Variants in RPA1 observed in about 807,000 individuals in gnomAD.
The protein encoded by RPA1 is replication protein A 70 kDa DNA-binding subunit.
In RPA1, 49 loss-of-function variants were observed where a neutral mutation model predicts 83.0. The ratio of observed to expected loss-of-function variants is 0.59; its 90% CI spans 0.47 to 0.75. The LOEUF is 0.75. Ranked by LOEUF, RPA1 falls within the 30% of genes least tolerant of loss-of-function variation. RPA1 has a pLI of 0.00. For synonymous variants in RPA1, 279 were observed against 281.8 expected, an observed-to-expected ratio of 0.99 and a Z score of 0.10; for missense variants, 693 against 776.1, an observed-to-expected ratio of 0.89 and a Z score of 1.27.
At chr17:1,882,513 GGCCTGTAGTCCCAGCTACTCGGTGCGT>G (rs774018843) in intron 12 of RPA1, among the ~76,000 whole-genome samples, 48 of 151,840 alleles carry the variant, frequency 3.2e-4, no homozygotes, top group Middle Eastern at 3.2e-3. Context: ...AAATCAGCCG[GGCCTGTAGTCCCAGCTACTCGGTGCGT>G]GCCTGTAGTC....
intron 15 of RPA1, among the ~76,000 whole-genome samples, chr17:1,894,769 C>G (rs939905899): frequency 1.1e-4 from 16 of 152,126 alleles, no homozygotes; most frequent in African/African-American, 3.6e-4. Context: ...TTTCCAAAAC[C>G]CTCTTCTCCC....
chr17:1,874,257 C>T (rs1389786303), intron 6 of RPA1, among the ~76,000 whole-genome samples: 1 of 152,040 alleles, frequency 6.6e-6, no homozygotes. Context: ...GTAATCCCAG[C>T]ACTTTGGGAG....
In RPA1 at chr17:1,863,743, C is replaced by G. The variant is rs558239591; in HGVS notation, c.362-8691C>G. ...AAAAATTTAAAGTTTTCAAAACATA[C>G]TTGTAGAAGGCAATTTTCAAATGGT... On this transcript the variant is annotated intron_variant, in intron 5 of 16. Coordinates refer to ENST00000254719, the MANE Select transcript of RPA1 (RefSeq NM_002945.5). 3.3e-5 allele frequency among the ~76,000 whole-genome samples: 5 copies of G among 152,268 alleles called. No homozygotes were observed. In the South Asian group the frequency reaches 1.0e-3, roughly 32 times the overall value.
chr17:1,831,006 T>C (rs998383972), intron 1 of RPA1, among the ~76,000 whole-genome samples: 1 of 152,092 alleles, frequency 6.6e-6, no homozygotes, highest in Non-Finnish European at 1.5e-5. Context: ...CCTCAAGTTA[T>C]CCGCCCGCCT....
intron 13 of RPA1, among the ~76,000 whole-genome samples, chr17:1,888,402 T>C (rs1914072607): frequency 1.3e-5 from 2 of 152,344 alleles, no homozygotes; most frequent in East Asian, 3.9e-4. Flanking sequence ...TTAATTAACT[T>C]AGTGTAATTT....
chr17:1,889,084 C>T (rs569656313), intron 14 of RPA1, among the ~76,000 whole-genome samples: 1 of 110,090 alleles, frequency 9.1e-6, no homozygotes, highest in Non-Finnish European at 1.8e-5. Flanking sequence ...GTGACACTTG[C>T]CTGCTAACTG....
At chr17:1,881,407 A>T (rs1913792516) in intron 12 of RPA1, among the ~76,000 whole-genome samples, 1 of 152,128 alleles carries the variant, frequency 6.6e-6, no homozygotes, top group Non-Finnish European at 1.5e-5. Context: ...GAATGAGCTC[A>T]TTTTACATAC....
intron 6 of RPA1, among the ~76,000 whole-genome samples, chr17:1,874,026 TATATATAC>T (rs1323914454): frequency 3.6e-5 from 4 of 110,174 alleles, no homozygotes; most frequent in South Asian, 5.8e-4. Context: ...TATATATATA[TATATATAC>T]ACACACACAC....
chr17:1,841,811 A>G (rs1912056577), intron 1 of RPA1, among the ~76,000 whole-genome samples: 1 of 152,088 alleles, frequency 6.6e-6, no homozygotes, highest in Non-Finnish European at 1.5e-5. Context: ...TTCTATGCCT[A>G]GTTTGCTGAG....
At chr17:1,870,820 G>A (rs1280563236) in intron 5 of RPA1, among the ~76,000 whole-genome samples, 4 of 152,218 alleles carry the variant, frequency 2.6e-5, no homozygotes, top group Non-Finnish European at 5.9e-5. Flanking sequence ...TTCTAGTTTA[G>A]TGGTTTTGGA....
At chr17:1,869,023 T>A (rs905771991) in intron 5 of RPA1, among the ~76,000 whole-genome samples, 1 of 152,250 alleles carries the variant, frequency 6.6e-6, no homozygotes, top group Non-Finnish European at 1.5e-5. Context: ...TCATCCATTT[T>A]CTGCCAAGAG....
At chr17:1,841,460 C>T (rs1457830224) in intron 1 of RPA1, among the ~76,000 whole-genome samples, 3 of 152,082 alleles carry the variant, frequency 2.0e-5, no homozygotes, top group African/African-American at 4.8e-5. Context: ...TGCGCCACCA[C>T]GCCCAGCTAA....
chr17:1,839,750 C>G (rs1911969935), intron 1 of RPA1, among the ~76,000 whole-genome samples: 1 of 150,700 alleles, frequency 6.6e-6, no homozygotes, highest in Non-Finnish European at 1.5e-5. Context: ...ATCCTCCCTC[C>G]TCACCCTCTG....
chr17:1,897,274 A>G lies in RPA1; in HGVS notation c.*99A>G. ...CGATCCCATGTTAGCTACACAGTGC[A>G]GAGGCTCTTGATGGTGGACTAAGCA... On this transcript the variant is annotated 3_prime_UTR_variant, in exon 17 of 17. Coordinates refer to ENST00000254719, the MANE Select transcript of RPA1 (RefSeq NM_002945.5). 2.2e-6 allele frequency: 2 copies of G among 905,688 alleles called. No individual in the cohort carries two copies. Among genetic ancestry groups the G allele is most frequent in the South Asian group, 1.7e-5 (1 of 58,652 alleles). 56.1% of individuals were successfully genotyped at this position (905,688 alleles called of 1,614,324 possible).
intron 1 of RPA1, among the ~76,000 whole-genome samples, chr17:1,834,509 A>G (rs553191656): frequency 6.6e-6 from 1 of 152,348 alleles, no homozygotes; most frequent in South Asian, 2.1e-4. Context: ...AGCAGGTATC[A>G]TTTTCGTTCA....
chr17:1,845,157 C>G, intron 4 of RPA1, among the ~76,000 whole-genome samples: 1 of 91,240 alleles, frequency 1.1e-5, no homozygotes, highest in Non-Finnish European at 2.2e-5. Flanking sequence ...TTTTGTAATG[C>G]TGCTTTGTGT....
chr17:1,874,869 T>G (rs1684226394), intron 6 of RPA1, among the ~76,000 whole-genome samples: 1 of 152,216 alleles, frequency 6.6e-6, no homozygotes, highest in Admixed American at 6.5e-5. Context: ...GATGGTGTAT[T>G]GATATTTTTA....
chr17:1,875,836 T>G (rs1478705567), intron 7 of RPA1, 43 bp downstream of exon 7: 27 of 1,572,828 alleles, frequency 1.7e-5, no homozygotes, highest in Non-Finnish European at 2.2e-5. Context: ...ACTTATGAAA[T>G]CGGAGAAGCT....
chr17:1,895,943 C>T (rs761855183), intron 16 of RPA1, among the ~76,000 whole-genome samples: 6 of 152,066 alleles, frequency 3.9e-5, no homozygotes, highest in Non-Finnish European at 8.8e-5. Context: ...CTCAGCCTCC[C>T]AAAGTGCCAG....
Sources: gnomAD v4.1 joint callset for allele counts (sites outside exome capture counted in the v4.1 genomes callset) on GRCh38, gnomAD v4.1.1 for gene constraint, MANE v1.5 for transcripts, NCBI Gene and HGNC (gene_info 2026-07-23, HGNC 2026-07-21) for gene names.